The following TMEM117 variants were observed in gnomAD, a reference collection of about 807,000 sequenced individuals.
TMEM117 encodes transmembrane protein 117.
A neutral mutation model predicts 52.4 loss-of-function variants in TMEM117; 27 were observed. The ratio of observed to expected loss-of-function variants is 0.51; its 90% CI spans 0.38 to 0.71. The LOEUF is 0.71. TMEM117 is among the 30% of genes least tolerant of loss of function. The pLI is 0.00. For synonymous variants in TMEM117, 215 were observed against 206.3 expected, an observed-to-expected ratio of 1.04 and a Z score of -0.36; for missense variants, 556 against 630.5, an observed-to-expected ratio of 0.88 and a Z score of 1.26.
At chr12:44,014,252 G>T (rs556516850) in intron 3 of TMEM117, among the ~76,000 whole-genome samples, 1 of 152,266 alleles carries the variant, frequency 6.6e-6, no homozygotes, top group East Asian at 1.9e-4. Flanking sequence ...GAGAATAACA[G>T]AATCATTTTA....
intron 3 of TMEM117, among the ~76,000 whole-genome samples, chr12:44,132,581 G>A (rs1273900000): frequency 6.6e-6 from 1 of 151,958 alleles, no homozygotes; most frequent in Non-Finnish European, 1.5e-5. Flanking sequence ...TTCTTATTAC[G>A]TGCTCCAGAA....
chr12:43,798,636 ATCACAT>A, the TMEM117 span: 4 of 1,428,956 alleles, frequency 2.8e-6, no homozygotes, highest in South Asian at 1.3e-5. Context: ...AAAAAAAAAA[ATCACAT>A]AAAAAGCCCT....
chr12:44,241,468 G>T (rs1592633315), intron 5 of TMEM117, among the ~76,000 whole-genome samples: 1 of 151,834 alleles, frequency 6.6e-6, no homozygotes, highest in South Asian at 2.1e-4. Context: ...TTATTATTTG[G>T]TGATAGTGGA....
intron 3 of TMEM117, among the ~76,000 whole-genome samples, chr12:44,103,267 G>A (rs1744744265): frequency 6.6e-6 from 1 of 150,424 alleles, no homozygotes; most frequent in African/African-American, 2.4e-5. Flanking sequence ...GTAACTTATG[G>A]ACAACATATT....
chr12:44,348,896 A>G (rs577618915), intron 6 of TMEM117, among the ~76,000 whole-genome samples: 38 of 151,934 alleles, frequency 2.5e-4, no homozygotes, highest in Admixed American at 1.3e-4. Flanking sequence ...CTGAAAGAGT[A>G]TTGATTGAAT....
chr12:44,393,997 A>T (rs1952171581), downstream of TMEM117, among the ~76,000 whole-genome samples: 1 of 152,116 alleles, frequency 6.6e-6, no homozygotes, highest in Non-Finnish European at 1.5e-5. Flanking sequence ...TCCCCAGGAG[A>T]ATGTTAGAGG....
chr12:44,381,937 A>G (rs986931588), intron 7 of TMEM117, among the ~76,000 whole-genome samples: 11 of 152,130 alleles, frequency 7.2e-5, no homozygotes, highest in Non-Finnish European at 1.6e-4. Flanking sequence ...TTATAAGGAA[A>G]TGTGTTGCAT....
chr12:43,879,164 G>A (rs1027422057), intron 2 of TMEM117, among the ~76,000 whole-genome samples: 1 of 152,094 alleles, frequency 6.6e-6, no homozygotes, highest in African/African-American at 2.4e-5. Flanking sequence ...TCCTGTGCGA[G>A]CCTCAGAATT....
intron 4 of TMEM117, among the ~76,000 whole-genome samples, chr12:44,189,495 C>T (rs997043609): frequency 6.6e-6 from 1 of 152,110 alleles, no homozygotes; most frequent in Non-Finnish European, 1.5e-5. Flanking sequence ...ACCTTAGGCT[C>T]ATGTTATCAT....
chr12:44,053,480 T>TA (rs1283496606), intron 3 of TMEM117, among the ~76,000 whole-genome samples: 4 of 152,180 alleles, frequency 2.6e-5, no homozygotes, highest in Non-Finnish European at 5.9e-5. Flanking sequence ...TGAGAGTTTT[T>TA]ATCTAGGTTT....
intron 5 of TMEM117, among the ~76,000 whole-genome samples, chr12:44,244,040 G>A (rs180886924): frequency 1.5e-4 from 23 of 152,038 alleles, no homozygotes; most frequent in Non-Finnish European, 3.1e-4. Flanking sequence ...GGGCACTTAG[G>A]TTGATTTCAT....
intron 3 of TMEM117, among the ~76,000 whole-genome samples, chr12:44,012,732 A>G (rs1388615142): frequency 2.6e-5 from 4 of 152,120 alleles, no homozygotes; most frequent in Non-Finnish European, 5.9e-5. Context: ...TTTTCGATAA[A>G]AGCCCTTAGC....
chr12:44,233,603 T>C (rs950662323), intron 5 of TMEM117, among the ~76,000 whole-genome samples: 1 of 151,366 alleles, frequency 6.6e-6, no homozygotes, highest in Admixed American at 6.6e-5. Context: ...GACATTTACC[T>C]TCATTCCCTG....
intron 3 of TMEM117, among the ~76,000 whole-genome samples, chr12:44,093,023 G>A (rs1947699978): frequency 6.6e-6 from 1 of 151,606 alleles, no homozygotes; most frequent in Admixed American, 6.6e-5. Context: ...CATAAGGATA[G>A]AAATTAGACT....
At chr12:44,088,777 A>G (rs537739396) in intron 3 of TMEM117, among the ~76,000 whole-genome samples, 33 of 152,330 alleles carry the variant, frequency 2.2e-4, no homozygotes, top group Admixed American at 1.4e-3. Flanking sequence ...ATGGTTAACA[A>G]CTGAGCTATA....
At chr12:44,131,631 A>G (rs1592544340) in intron 3 of TMEM117, among the ~76,000 whole-genome samples, 1 of 151,958 alleles carries the variant, frequency 6.6e-6, no homozygotes, top group East Asian at 1.9e-4. Context: ...TGTTTTGCCA[A>G]TTTATTTTAA....
rs117940915 is a variant in TMEM117 at position 44,212,049 on chromosome 12, C to T, written c.608+662C>T. Among the ~76,000 whole-genome samples, 328 of 152,274 alleles carry T rather than the reference C, an allele frequency of 2.2e-3. 6 individuals carry two copies. The East Asian group carries it at 0.055, about 26-fold the overall frequency. ...ATACAGTTGAATAATTATATAATCC[C>T]AAGAAAAGTTATGTAAACTAACACT... On this transcript the variant is annotated intron_variant, in intron 5 of 7. Coordinates refer to ENST00000266534, the MANE Select transcript of TMEM117 (RefSeq NM_032256.3).
intron 3 of TMEM117, among the ~76,000 whole-genome samples, chr12:43,954,322 T>C (rs1592390159): frequency 6.6e-6 from 1 of 151,606 alleles, no homozygotes; most frequent in African/African-American, 2.4e-5. Flanking sequence ...CTGAAGGAGA[T>C]AGAGATATGA....
the TMEM117 span, among the ~76,000 whole-genome samples, chr12:43,820,418 C>A: frequency 6.6e-6 from 1 of 152,130 alleles, no homozygotes; most frequent in African/African-American, 2.4e-5. Flanking sequence ...GGACTACAGA[C>A]GCCGGCCACC....
Sources: allele counts gnomAD v4.1 joint callset (sites outside exome capture counted in the v4.1 genomes callset), GRCh38; gene constraint gnomAD v4.1.1; transcripts MANE v1.5; gene names NCBI Gene and HGNC (gene_info 2026-07-23, HGNC 2026-07-21).